The following ENOSF1 variants were observed in gnomAD, a reference collection of about 807,000 sequenced individuals.
ENOSF1 encodes mitochondrial enolase superfamily member 1.
In ENOSF1, 73 loss-of-function variants were observed where a neutral mutation model predicts 68.2. That is an observed-to-expected ratio of 1.07 (90% CI 0.89 to 1.30). The LOEUF is 1.30. Among genes scored for constraint, ENOSF1 ranks in the 50% most tolerant of loss-of-function variants. ENOSF1 has a pLI of 0.00. For missense variants in ENOSF1, 589 were observed against 554.5 expected, an observed-to-expected ratio of 1.06 and a Z score of -0.62; for synonymous variants, 223 against 210.4, an observed-to-expected ratio of 1.06 and a Z score of -0.52.
At chr18:675,169 ATT>A in intron 15 of ENOSF1, 150 bp downstream of exon 15, 1 of 668,706 alleles carries the variant, frequency 1.5e-6, no homozygotes, top group Non-Finnish European at 2.7e-6. Flanking sequence ...AGGCCTGAGG[ATT>A]TTGATACAGA....
chr18:674,249 C>T lies in ENOSF1; in HGVS notation c.*56G>A, dbSNP rs1238628875. The T allele has an allele frequency of 3.2e-6, 4 of 1,232,652 alleles. No individual in the cohort carries two copies. Among genetic ancestry groups the T allele is most frequent in the East Asian group, 2.4e-5 (1 of 41,350 alleles). 76.4% of individuals were successfully genotyped at this position (1,232,652 alleles called of 1,614,324 possible). ...AAATCCATTTTTGTAAAACTATTTC[C>T]AAGAAATTTTAAGCCCTTTCACTTC... On this transcript the variant is annotated 3_prime_UTR_variant, in exon 16 of 16. Transcript: ENST00000647584.
chr18:685,076 C>A (rs2076490200), intron 10 of ENOSF1, among the ~76,000 whole-genome samples: 1 of 152,068 alleles, frequency 6.6e-6, no homozygotes, highest in Non-Finnish European at 1.5e-5. Context: ...GTAGCCCAGG[C>A]TGGTCCCAAA....
In ENOSF1 at chr18:691,286, TGACAGGA is replaced by T. The variant is rs2077138539; in HGVS notation, c.424-17_424-11del. The T allele has an allele frequency of 6.2e-7, 1 of 1,611,322 alleles. No homozygotes were observed. The highest frequency in any genetic ancestry group is 1.3e-5 in the African/African-American group (1 of 74,860). On this transcript the variant is annotated splice_polypyrimidine_tract_variant and intron_variant, in intron 5 of 15. Coordinates refer to ENST00000647584, the MANE Select transcript of ENOSF1 (RefSeq NM_017512.7). ...CCAGCATCCTGGGATCCTGGCAACG[TGACAGGA>T]GGGGAAGAGGCCTGAATCAATTATA...
chr18:707,833 A>G (rs1412609497), intron 1 of ENOSF1, among the ~76,000 whole-genome samples: 2 of 143,200 alleles, frequency 1.4e-5, no homozygotes, highest in Non-Finnish European at 3.0e-5. Flanking sequence ...AAAAGGTCAC[A>G]CCACAAGTAA....
chr18:674,404 A>T lies in ENOSF1; in HGVS notation c.1233T>A (p.Asp411Glu). The change falls in exon 16 of 16, where the codon GAT becomes GAA. Residue 411 changes from aspartate to glutamate, a missense_variant and splice_region_variant. By Grantham distance (45) the Asp-to-Glu change is conservative (BLOSUM62 2). Transcript: ENST00000647584. ...IQRASYMPPK[D>E]PGYSTEMKEE... ...CCTTCATTTCTGTTGAGTAGCCGGG[A>T]TCCTATCAAAGACCAAAAAAATGAG... 1.9e-6 allele frequency: 3 copies of T among 1,607,300 alleles called. No homozygotes were observed. Among genetic ancestry groups the T allele is most frequent in the Non-Finnish European group, 2.5e-6 (3 of 1,177,550 alleles).
At chr18:708,228 T>A (rs1273268591) in intron 1 of ENOSF1, among the ~76,000 whole-genome samples, 1 of 152,136 alleles carries the variant, frequency 6.6e-6, no homozygotes, top group Admixed American at 6.6e-5. Flanking sequence ...GAGCTGTATG[T>A]GATGGCTGGG....
At chr18:697,389 T>C in intron 2 of ENOSF1, 34 bp from the exon 3 acceptor site, 6 of 1,448,422 alleles carry the variant, frequency 4.1e-6, no homozygotes, top group Non-Finnish European at 5.8e-6. Flanking sequence ...TGTTTATGCT[T>C]CTATACTAGG....
the ENOSF1 span, among the ~76,000 whole-genome samples, chr18:664,976 TC>T: frequency 1.3e-5 from 2 of 150,526 alleles, no homozygotes; most frequent in Non-Finnish European, 2.9e-5. Flanking sequence ...GGTCTAAAAT[TC>T]TCTTTTTTGG....
rs377722340 is a variant in ENOSF1 at position 677,753 on chromosome 18, T to C, written c.1038A>G (p.Lys346=). The C allele has an allele frequency of 3.3e-5, 54 of 1,612,712 alleles. No individual in the cohort carries two copies. Among genetic ancestry groups the C allele is most frequent in the Non-Finnish European group, 4.1e-5 (48 of 1,179,654 alleles). The change falls in exon 13 of 16, where the codon AAA becomes AAG. Residue 346 remains lysine, a synonymous_variant. Transcript: ENST00000647584. ...CTGCAGCACGCTTACTTTCAAACTTTTTGGCCATCAGCAATACTGAGAGGT... is the reference window on the plus strand; with the variant it reads ...CTGCAGCACGCTTACTTTCAAACTTCTTGGCCATCAGCAATACTGAGAGGT... ...NENLSVLLMA[K]KFEIPVCPHA... is the part of the protein sequence containing the mutation.
At chr18:669,629 C>T (rs2074946529), downstream of ENOSF1, among the ~76,000 whole-genome samples, 1 of 152,044 alleles carries the variant, frequency 6.6e-6, no homozygotes, top group Admixed American at 6.6e-5. Flanking sequence ...GCCTCAGCCT[C>T]CCAACCAGAT....
intron 2 of ENOSF1, among the ~76,000 whole-genome samples, chr18:704,605 C>T (rs1260879918): frequency 1.5e-5 from 2 of 135,308 alleles, no homozygotes; most frequent in Admixed American, 7.7e-5. Context: ...TCTTCTGTAT[C>T]TTTTTTCTTT....
chr18:704,161 T>TGGTG (rs1203298382), intron 2 of ENOSF1, among the ~76,000 whole-genome samples: 1 of 151,914 alleles, frequency 6.6e-6, no homozygotes, highest in Non-Finnish European at 1.5e-5. Context: ...TGGCTCAGAG[T>TGGTG]GGTGGTTCAT....
chr18:690,737 G>A, intron 7 of ENOSF1, 106 bp from the exon 8 acceptor site: 1 of 1,205,378 alleles, frequency 8.3e-7, no homozygotes, highest in South Asian at 1.9e-5. Flanking sequence ...CTGTTCTCCT[G>A]ATCCGGCCCT....
At chr18:699,125 G>T (rs1257427150) in intron 2 of ENOSF1, among the ~76,000 whole-genome samples, 2 of 152,178 alleles carry the variant, frequency 1.3e-5, no homozygotes, top group Non-Finnish European at 2.9e-5. Flanking sequence ...CTCCTGAAGT[G>T]TTGGGATTAC....
At chr18:669,366 ATTTTTTTTT>A (rs68090938), downstream of ENOSF1, 6,170 of 192,232 alleles carry the variant, frequency 0.032, 199 homozygotes, top group East Asian at 0.27. Context: ...GGCCCAGAGG[ATTTTTTTTT>A]TTTTTTTTTT....
chr18:710,097 A>T (rs1224922270), intron 1 of ENOSF1, among the ~76,000 whole-genome samples: 1 of 152,170 alleles, frequency 6.6e-6, no homozygotes, highest in Non-Finnish European at 1.5e-5. Flanking sequence ...CATTTCTTGA[A>T]TTATTCTACA....
At chr18:681,955 C>A (rs551552512) in intron 11 of ENOSF1, among the ~76,000 whole-genome samples, 1 of 152,306 alleles carries the variant, frequency 6.6e-6, no homozygotes, top group African/African-American at 2.4e-5. Context: ...CTCCACACCT[C>A]CAGTACGACC....
chr18:712,608 G>A lies in ENOSF1; in HGVS notation c.-21C>T, dbSNP rs757587075. On this transcript the variant is annotated 5_prime_UTR_variant, in exon 1 of 16. Coordinates refer to ENST00000647584, the MANE Select transcript of ENOSF1 (RefSeq NM_017512.7). ...ACCATGGCCCCTGCGCCCCGTGGCCGCGGCCCCCGTGCGGTCAGGACTGGT... is the reference window on the plus strand; with the variant it reads ...ACCATGGCCCCTGCGCCCCGTGGCCACGGCCCCCGTGCGGTCAGGACTGGT... 4 of 1,531,626 alleles carry A rather than the reference G, an allele frequency of 2.6e-6. No individual in the cohort carries two copies. In the South Asian group the frequency reaches 4.8e-5, roughly 18 times the overall value. The allele number at this position is 1,531,626 out of a possible 1,614,324, so 94.9% of individuals were successfully genotyped here.
At chr18:698,624 A>AATTATT (rs71363257) in intron 2 of ENOSF1, among the ~76,000 whole-genome samples, 49,976 of 151,404 alleles carry the variant, frequency 0.33, 8,476 homozygotes, top group Non-Finnish European at 0.37. Context: ...TGGTACCTTT[A>AATTATT]ATTATTATTT....
Sources: allele counts gnomAD v4.1 joint callset (sites outside exome capture counted in the v4.1 genomes callset), GRCh38; gene constraint gnomAD v4.1.1; transcripts MANE v1.5; gene names NCBI Gene and HGNC (gene_info 2026-07-23, HGNC 2026-07-21).